SH3PXD2A: variants seen among roughly 807,000 people sequenced by gnomAD.
SH3PXD2A encodes the protein SH3 and PX domain-containing protein 2A.
A neutral mutation model predicts 115.2 loss-of-function variants in SH3PXD2A; 32 were observed. That is an observed-to-expected ratio of 0.28 (90% CI 0.21 to 0.37). SH3PXD2A has a LOEUF of 0.37. Ranked by LOEUF, SH3PXD2A falls within the 10% of genes least tolerant of loss-of-function variation. The pLI is 1.00. For synonymous variants in SH3PXD2A, 610 were observed against 629.1 expected, an observed-to-expected ratio of 0.97 and a Z score of 0.45; for missense variants, 1,328 against 1,498.7, an observed-to-expected ratio of 0.89 and a Z score of 1.88.
At chr10:103,677,828 C>T (rs917671070) in intron 6 of SH3PXD2A, among the ~76,000 whole-genome samples, 1 of 152,208 alleles carries the variant, frequency 6.6e-6, no homozygotes, top group African/African-American at 2.4e-5. Flanking sequence ...TGAATACTCA[C>T]TGCTCTCAAG....
At chr10:103,829,763 G>GT (rs1297256097) in intron 1 of SH3PXD2A, among the ~76,000 whole-genome samples, 5 of 152,264 alleles carry the variant, frequency 3.3e-5, no homozygotes, top group African/African-American at 7.2e-5. Context: ...GACAAAAAAG[G>GT]TAAGACTTCA....
chr10:103,673,604 T>C (rs1397319274), intron 6 of SH3PXD2A: 1 of 152,210 alleles, frequency 6.6e-6, no homozygotes, highest in Non-Finnish European at 1.5e-5. Flanking sequence ...AGGGCACTTA[T>C]AGATTCATAG....
chr10:103,710,961 A>G (rs1488177421), intron 5 of SH3PXD2A, among the ~76,000 whole-genome samples: 1 of 152,176 alleles, frequency 6.6e-6, no homozygotes, highest in Non-Finnish European at 1.5e-5. Flanking sequence ...GCTTGAGCCC[A>G]GCAGTTTGAA....
intron 1 of SH3PXD2A, among the ~76,000 whole-genome samples, chr10:103,820,838 A>G (rs2039372556): frequency 6.6e-6 from 1 of 152,084 alleles, no homozygotes; most frequent in Non-Finnish European, 1.5e-5. Context: ...CTTGTCTTCT[A>G]CCCTCTAAGT....
At chr10:103,635,143 C>T (rs2036844973) in intron 8 of SH3PXD2A, among the ~76,000 whole-genome samples, 1 of 152,204 alleles carries the variant, frequency 6.6e-6, no homozygotes, top group Non-Finnish European at 1.5e-5. Context: ...TTTAGGGCTA[C>T]CTTCAGGGGT....
Position 103,735,735 on chromosome 10 carries a change from G to A in SH3PXD2A, c.303C>T (p.Cys101=), listed in dbSNP as rs368477552. The A allele has an allele frequency of 9.9e-6, 16 of 1,610,136 alleles. No individual in the cohort carries two copies. In the African/African-American group the frequency reaches 1.7e-4, roughly 17 times the overall value. ...VKRLKPIDEY[C]RALVRLPPHI... Reference sequence around the variant, plus strand: ...CCAGCCCCAGATACACTCTCACCCGGCAGTATTCATCGATGGGCTTCAGTC... The same window carrying A: ...CCAGCCCCAGATACACTCTCACCCGACAGTATTCATCGATGGGCTTCAGTC... The change falls in exon 4 of 15, where the codon TGC becomes TGT. Residue 101 remains cysteine, a synonymous_variant. Transcript: ENST00000369774.
chr10:103,704,671 C>T lies in SH3PXD2A; in HGVS notation c.399-11615G>A, dbSNP rs543766381. 1.1e-3 allele frequency among the ~76,000 whole-genome samples: 161 copies of T among 152,340 alleles called. 1 individual carries two copies. Among genetic ancestry groups the T allele is most frequent in the African/African-American group, 3.4e-3 (143 of 41,576 alleles). On this transcript the variant is annotated intron_variant, in intron 5 of 14. Coordinates refer to ENST00000369774, the MANE Select transcript of SH3PXD2A (RefSeq NM_001394015.1). ...GCAGGCACTCAAAACGCAGGACAAA[C>T]GGGCTCCTGGCCAAGGGCCTGTGTG...
At chr10:103,783,107 G>A (rs1273636583) in intron 2 of SH3PXD2A, among the ~76,000 whole-genome samples, 2 of 152,200 alleles carry the variant, frequency 1.3e-5, no homozygotes, top group Non-Finnish European at 2.9e-5. Context: ...AAGCGAGCGA[G>A]CTGGGGTGCT....
intron 1 of SH3PXD2A, among the ~76,000 whole-genome samples, chr10:103,801,973 G>C (rs2039152133): frequency 6.6e-6 from 1 of 152,176 alleles, no homozygotes; most frequent in African/African-American, 2.4e-5. Context: ...CAAAGTGCTG[G>C]GATTACAGGC....
chr10:103,664,612 G>C (rs1266759066), intron 7 of SH3PXD2A, among the ~76,000 whole-genome samples: 1 of 152,008 alleles, frequency 6.6e-6, no homozygotes, highest in Non-Finnish European at 1.5e-5. Context: ...TTACATCCCA[G>C]GTACCTGGGA....
In SH3PXD2A at chr10:103,784,526, G is replaced by A. The variant is rs1658377313; in HGVS notation, c.153+16756C>T. ...GCAAAATATTCACGTGTTAAATCTG[G>A]GCAGTCGGTCCTCTCATGCCTGTGA... is the stretch of plus-strand genomic sequence containing the variant. On this transcript the variant is annotated intron_variant, in intron 2 of 14. Coordinates refer to ENST00000369774, the MANE Select transcript of SH3PXD2A (RefSeq NM_001394015.1). The surrounding 1 kb of genome is among the most constrained non-coding windows in gnomAD (Gnocchi z 4.4). Among the ~76,000 whole-genome samples, 1 of 152,168 alleles carries A rather than the reference G, an allele frequency of 6.6e-6. No homozygotes were observed. The highest frequency in any genetic ancestry group is 1.5e-5 in the Non-Finnish European group (1 of 68,036).
intron 1 of SH3PXD2A, among the ~76,000 whole-genome samples, chr10:103,814,789 A>T (rs1490909922): frequency 6.6e-6 from 1 of 152,238 alleles, no homozygotes; most frequent in African/African-American, 2.4e-5. Context: ...AGTAAGCTAG[A>T]CAGGGTCTGT....
At chr10:103,752,484 C>G (rs529862728) in intron 3 of SH3PXD2A, among the ~76,000 whole-genome samples, 1 of 152,164 alleles carries the variant, frequency 6.6e-6, no homozygotes, top group Admixed American at 6.5e-5. Flanking sequence ...GGATTCTGAA[C>G]TAATAAATAC....
chr10:103,798,009 C>T (rs1454236328), intron 2 of SH3PXD2A, among the ~76,000 whole-genome samples: 1 of 152,140 alleles, frequency 6.6e-6, no homozygotes, highest in African/African-American at 2.4e-5. Flanking sequence ...CGCTTGGGAT[C>T]GCTTTGCACG....
In SH3PXD2A at chr10:103,701,406, C is replaced by A. The variant is rs539627736; in HGVS notation, c.399-8350G>T. Among the ~76,000 whole-genome samples the A allele has an allele frequency of 4.0e-5, 6 of 149,842 alleles. No individual in the cohort carries two copies. In the South Asian group the frequency reaches 1.3e-3, roughly 32 times the overall value. On this transcript the variant is annotated intron_variant, in intron 5 of 14. Coordinates refer to ENST00000369774, the MANE Select transcript of SH3PXD2A (RefSeq NM_001394015.1). ...CATCATCCATCCATCATCCATCCAT[C>A]CACCATCCATCCATCCACCATCCAT... is the stretch of plus-strand genomic sequence containing the variant.
chr10:103,702,522 A>G (rs1442105468), intron 5 of SH3PXD2A, among the ~76,000 whole-genome samples: 2 of 151,886 alleles, frequency 1.3e-5, no homozygotes, highest in Admixed American at 6.6e-5. Flanking sequence ...CAGAAGCAGG[A>G]AGGAGATTTG....
chr10:103,812,598 C>T (rs1049031050), intron 1 of SH3PXD2A, among the ~76,000 whole-genome samples: 4 of 152,164 alleles, frequency 2.6e-5, no homozygotes, highest in African/African-American at 7.2e-5. Context: ...CCCACTCCAT[C>T]GTCACACCCT....
At chr10:103,848,948 CTTTTTTTTT>C (rs146019283) in intron 1 of SH3PXD2A, among the ~76,000 whole-genome samples, 4 of 69,642 alleles carry the variant, frequency 5.7e-5, no homozygotes, top group African/African-American at 5.8e-5. Context: ...CCCATATATT[CTTTTTTTTT>C]TTTTTTTTTT....
chr10:103,801,350 T>G lies in SH3PXD2A; in HGVS notation c.85A>C (p.Asn29His). Residue 29 changes from asparagine to histidine, a missense_variant, in exon 2 of 15, where the codon AAT (asparagine) becomes CAT (histidine). By Grantham distance (68) the Asn-to-His change is moderately conservative (BLOSUM62 1). This residue lies in a region of SH3PXD2A where 110 missense variants were observed against 160.0 expected (regional missense o/e 0.69). Coordinates refer to ENST00000369774, the MANE Select transcript of SH3PXD2A (RefSeq NM_001394015.1). ...GAGGTGGAGTCAGACCAGGTCACAT[T>G]GATTATGTATACCTGTGGGAAAAAG... ...NPSKHYVYII[N>H]VTWSDSTSQT... is the part of the protein sequence containing the mutation. 6.2e-7 allele frequency: 1 copy of G among 1,607,374 alleles called. No homozygotes were observed. Among genetic ancestry groups the G allele is most frequent in the Non-Finnish European group, 8.5e-7 (1 of 1,173,922 alleles).
Sources: gnomAD v4.1 joint callset for allele counts (sites outside exome capture counted in the v4.1 genomes callset) on GRCh38, gnomAD v4.1.1 for gene constraint, gnomAD v4.1.1 regional missense constraint, Gnocchi (gnomAD v3.1) non-coding constraint, MANE v1.5 for transcripts, NCBI Gene and HGNC (gene_info 2026-07-23, HGNC 2026-07-21) for gene names.